The following DLG2 variants were observed in gnomAD, a reference collection of about 807,000 sequenced individuals.
DLG2 encodes the protein discs large MAGUK scaffold protein 2, also known as disks large homolog 2.
Under a neutral mutation model 132.5 loss-of-function variants are expected in DLG2, and 45 were observed. That is an observed-to-expected ratio of 0.34 (90% confidence interval 0.27 to 0.44). The LOEUF (loss-of-function observed/expected upper bound fraction) is 0.44. Among genes scored for constraint, DLG2 ranks in the 20% least tolerant of loss-of-function variants. The pLI is 1.00. For synonymous variants in DLG2, 424 were observed against 419.6 expected (o/e 1.01, Z -0.13); for missense variants, 1,045 against 1,196.9 (o/e 0.87, Z 1.87).
chr11:84,148,245 G>C (rs2095161657), intron 9 of DLG2, among the ~76,000 whole-genome samples: 1 of 151,998 alleles, frequency 6.6e-6, no homozygotes, highest in African/African-American at 2.4e-5. Flanking sequence ...GTAGATTCCA[G>C]GGGACATGTG....
chr11:83,789,284 A>G (rs1594401476), intron 17 of DLG2, among the ~76,000 whole-genome samples: 1 of 139,486 alleles, frequency 7.2e-6, no homozygotes, highest in African/African-American at 2.7e-5. Context: ...ATTCAACACT[A>G]TCTTTTGAAA....
chr11:84,928,434 T>C (rs1190669855), intron 6 of DLG2, among the ~76,000 whole-genome samples: 7 of 151,952 alleles, frequency 4.6e-5, no homozygotes, highest in African/African-American at 1.7e-4. Context: ...GTCAAATATA[T>C]AACTTGTGCA....
intron 3 of DLG2, among the ~76,000 whole-genome samples, chr11:85,446,793 A>ATGTGTGTGTG (rs35097336): frequency 1.4e-5 from 2 of 145,200 alleles, no homozygotes; most frequent in African/African-American, 2.5e-5. Context: ...GATATAGTAT[A>ATGTGTGTGTG]TGTGTGTGTG....
chr11:84,715,736 T>C (rs545283622), intron 6 of DLG2, among the ~76,000 whole-genome samples: 2 of 152,250 alleles, frequency 1.3e-5, no homozygotes, highest in South Asian at 2.1e-4. Flanking sequence ...TTCTAATTTA[T>C]AGAATAGATA....
In DLG2 at chr11:83,651,208, T is replaced by G. The variant is rs186993603; in HGVS notation, c.1826-17883A>C. 5.9e-5 allele frequency among the ~76,000 whole-genome samples: 9 copies of G among 152,218 alleles called. No homozygotes were observed. The East Asian group carries it at 1.7e-3, about 29-fold the overall frequency. The stretch of plus-strand genomic sequence containing the variant: ...CTCAATAAATATCAATTGAATTGAA[T>G]AAGAAAACTGAGTTTAGGTTAAAAA... On this transcript the variant is annotated intron_variant, in intron 18 of 27. Transcript: ENST00000376104.
intron 6 of DLG2, among the ~76,000 whole-genome samples, chr11:84,868,669 G>A (rs2085001774): frequency 6.6e-6 from 1 of 152,120 alleles, no homozygotes. Context: ...TCAGCACAAT[G>A]ATGAGTCGGG....
At chr11:84,495,752 C>G (rs74971023) in intron 7 of DLG2, among the ~76,000 whole-genome samples, 3,746 of 152,210 alleles carry the variant, frequency 0.025, 85 homozygotes, top group African/African-American at 0.069. Context: ...AATTATGTGG[C>G]CTCCCTACTA....
intron 6 of DLG2, among the ~76,000 whole-genome samples, chr11:84,939,144 T>C (rs2049086021): frequency 6.6e-6 from 1 of 152,124 alleles, no homozygotes; most frequent in African/African-American, 2.4e-5. Context: ...TTTGACTAAG[T>C]GTCCTTATAG....
intron 16 of DLG2, among the ~76,000 whole-genome samples, chr11:83,855,642 A>G (rs981139202): frequency 6.6e-6 from 1 of 152,202 alleles, no homozygotes; most frequent in Non-Finnish European, 1.5e-5. Context: ...CACTAATAAA[A>G]TCAGTAGTTG....
At chr11:83,970,369 G>A (rs1293958189) in intron 12 of DLG2, among the ~76,000 whole-genome samples, 1 of 152,208 alleles carries the variant, frequency 6.6e-6, no homozygotes, top group Non-Finnish European at 1.5e-5. Context: ...AGCAGAAGTT[G>A]AGGGAAAGGT....
intron 3 of DLG2, among the ~76,000 whole-genome samples, chr11:85,500,908 G>GA (rs1458111018): frequency 6.6e-6 from 1 of 152,080 alleles, no homozygotes; most frequent in African/African-American, 2.4e-5. Context: ...CACAGAATTG[G>GA]AAAAAAATAC....
intron 6 of DLG2, among the ~76,000 whole-genome samples, chr11:84,584,679 T>A: frequency 3.2e-5 from 2 of 61,660 alleles, no homozygotes; most frequent in Non-Finnish European, 6.5e-5. Context: ...CATTCCTTTT[T>A]TTTTTTTTTT....
intron 15 of DLG2, among the ~76,000 whole-genome samples, chr11:83,876,090 C>T (rs28600785): frequency 0.29 from 44,221 of 152,014 alleles, 6,884 homozygotes; most frequent in East Asian, 0.39. Flanking sequence ...CCTGGCTCAA[C>T]CACATATACC....
At chr11:84,407,542 G>C (rs560278691) in intron 7 of DLG2, among the ~76,000 whole-genome samples, 3 of 152,116 alleles carry the variant, frequency 2.0e-5, no homozygotes, top group African/African-American at 7.2e-5. Flanking sequence ...TGTTGTTACT[G>C]TTTCTTTCTA....
chr11:84,003,778 A>G (rs1322960575), intron 11 of DLG2, among the ~76,000 whole-genome samples: 2 of 152,140 alleles, frequency 1.3e-5, no homozygotes, highest in Non-Finnish European at 2.9e-5. Flanking sequence ...TATTAATTCC[A>G]CAGAAATACA....
chr11:85,211,313 T>C (rs2082241949), intron 4 of DLG2, among the ~76,000 whole-genome samples: 1 of 152,186 alleles, frequency 6.6e-6, no homozygotes, highest in Admixed American at 6.6e-5. Flanking sequence ...TAATTATAAC[T>C]CACTATCTCA....
chr11:85,407,686 A>T (rs546341907), intron 3 of DLG2, among the ~76,000 whole-genome samples: 1 of 151,966 alleles, frequency 6.6e-6, no homozygotes, highest in South Asian at 2.1e-4. Flanking sequence ...TGCAGTGGAC[A>T]GCTGAAACTT....
intron 15 of DLG2, among the ~76,000 whole-genome samples, chr11:83,890,169 A>G (rs1041266121): frequency 6.6e-6 from 1 of 152,170 alleles, no homozygotes; most frequent in African/African-American, 2.4e-5. Flanking sequence ...AAAAGCACCA[A>G]TTGGAAAATT....
intron 7 of DLG2, among the ~76,000 whole-genome samples, chr11:84,373,249 C>CAAAAAAAAAAAAAACAAAAAAA (rs2098713585): frequency 2.4e-5 from 1 of 41,664 alleles, no homozygotes; most frequent in Non-Finnish European, 3.7e-5. Flanking sequence ...AAGAAACAGT[C>CAAAAAAAAAAAAAACAAAAAAA]AAAAAAAAAA....
Sources: allele counts gnomAD v4.1 joint callset (sites outside exome capture counted in the v4.1 genomes callset), GRCh38; gene constraint gnomAD v4.1.1; transcripts MANE v1.5; gene names NCBI Gene and HGNC (gene_info 2026-07-23, HGNC 2026-07-21).